TGFBR3: variants seen among roughly 807,000 people sequenced by gnomAD.
TGFBR3 encodes the protein transforming growth factor beta receptor type 3.
Under a neutral mutation model 87.9 loss-of-function variants are expected in TGFBR3, and 46 were observed. The ratio of observed to expected loss-of-function variants is 0.52; its 90% CI spans 0.41 to 0.67. The LOEUF is 0.67. Among genes scored for constraint, TGFBR3 ranks in the 30% least tolerant of loss-of-function variants. The pLI is 0.00. For missense variants in TGFBR3, 866 were observed against 1,041.9 expected (o/e 0.83, Z 2.32); for synonymous variants, 381 against 391.6 (o/e 0.97, Z 0.32).
intron 1 of TGFBR3, among the ~76,000 whole-genome samples, chr1:91,880,416 G>T (rs1490503194): frequency 1.3e-5 from 2 of 151,996 alleles, no homozygotes; most frequent in Non-Finnish European, 1.5e-5. Flanking sequence ...TAGCTAACAC[G>T]GTGAAACCCT....
chr1:91,799,250 G>A (rs552037007), intron 2 of TGFBR3, among the ~76,000 whole-genome samples: 1 of 152,304 alleles, frequency 6.6e-6, no homozygotes, highest in South Asian at 2.1e-4. Context: ...ATAGCTATCT[G>A]GTCTGAAATG....
At chr1:91,709,874 G>A (rs532100968) in intron 13 of TGFBR3, among the ~76,000 whole-genome samples, 5 of 152,010 alleles carry the variant, frequency 3.3e-5, no homozygotes, top group Non-Finnish European at 7.4e-5. Context: ...TCATACTCCT[G>A]CCTCAGCCTC....
chr1:91,762,959 T>C (rs922321859), intron 3 of TGFBR3, among the ~76,000 whole-genome samples: 1 of 152,186 alleles, frequency 6.6e-6, no homozygotes, highest in African/African-American at 2.4e-5. Context: ...GGGAAGAACG[T>C]CTTTGCTCAC....
intron 2 of TGFBR3, among the ~76,000 whole-genome samples, chr1:91,840,792 A>G (rs1377574069): frequency 6.6e-6 from 1 of 151,304 alleles, no homozygotes. Context: ...TCCTTGAACT[A>G]ACAGGTTCAC....
Position 91,800,236 on chromosome 1 carries a change from A to C in TGFBR3, c.62-2765T>G, listed in dbSNP as rs560078481. Among the ~76,000 whole-genome samples the C allele has an allele frequency of 6.0e-3, 798 of 133,038 alleles. 9 individuals are homozygous for C. Among genetic ancestry groups the C allele is most frequent in the African/African-American group, 0.023 (760 of 32,538 alleles). 87.3% of individuals were successfully genotyped at this position (133,038 alleles called of 152,430 possible). A position where few individuals can be genotyped will look rare whatever the true frequency, so the allele number is the denominator to read the frequency against. ...ATGAAACCCCATCTCTACAAAAAAA[A>C]AAAAAATATATATATATATACACAC... On this transcript the variant is annotated intron_variant, in intron 2 of 16. Coordinates refer to ENST00000212355, the MANE Select transcript of TGFBR3 (RefSeq NM_003243.5).
intron 5 of TGFBR3, among the ~76,000 whole-genome samples, chr1:91,734,470 C>G (rs774523392): frequency 3.9e-5 from 6 of 152,198 alleles, no homozygotes; most frequent in Non-Finnish European, 8.8e-5. Context: ...CTTCTCACCT[C>G]CACTTACTTT....
upstream of TGFBR3, among the ~76,000 whole-genome samples, chr1:91,890,409 C>CTTTTTTTTTTTTTTTTT (rs1175619952): frequency 8.3e-5 from 5 of 60,364 alleles, 1 homozygote; most frequent in African/African-American, 3.5e-4. Context: ...TCTCTATAAT[C>CTTTTTTTTTTTTTTTTT]TTTTTTTTTT....
intron 2 of TGFBR3, among the ~76,000 whole-genome samples, chr1:91,811,878 G>C (rs1401296971): frequency 6.6e-6 from 1 of 150,606 alleles, no homozygotes; most frequent in Non-Finnish European, 1.5e-5. Context: ...ATGTTTCAAA[G>C]CTGATTTCCC....
intron 2 of TGFBR3, among the ~76,000 whole-genome samples, chr1:91,818,845 G>C (rs1356056549): frequency 6.6e-6 from 1 of 152,170 alleles, no homozygotes; most frequent in East Asian, 1.9e-4. Flanking sequence ...AGTTTTGCAT[G>C]TCTTTTGTTG....
At chr1:91,783,839 C>T (rs532389249) in intron 3 of TGFBR3, among the ~76,000 whole-genome samples, 2 of 152,162 alleles carry the variant, frequency 1.3e-5, no homozygotes, top group South Asian at 2.1e-4. Context: ...TAATAATACA[C>T]GGTAGAGTAA....
At chr1:91,890,409 CTTTTTTTTTTTTT>C (rs1175619952), upstream of TGFBR3, among the ~76,000 whole-genome samples, 3 of 60,364 alleles carry the variant, frequency 5.0e-5, no homozygotes, top group Admixed American at 6.1e-4. Context: ...TCTCTATAAT[CTTTTTTTTTTTTT>C]TTTTTTTTTT....
At chr1:91,825,095 T>G (rs1366199190) in intron 2 of TGFBR3, among the ~76,000 whole-genome samples, 2 of 152,142 alleles carry the variant, frequency 1.3e-5, no homozygotes, top group Non-Finnish European at 2.9e-5. Flanking sequence ...AATAAAAACA[T>G]AAGGATGTGC....
chr1:91,714,760 G>T (rs759688330), intron 12 of TGFBR3, among the ~76,000 whole-genome samples: 3 of 152,178 alleles, frequency 2.0e-5, no homozygotes, highest in Non-Finnish European at 4.4e-5. Flanking sequence ...TTGACCAACT[G>T]CCCATGTGAA....
At chr1:91,730,019 T>C in intron 5 of TGFBR3, 46 bp from the exon 6 acceptor site, 2 of 1,609,432 alleles carry the variant, frequency 1.2e-6, no homozygotes, top group Non-Finnish European at 1.7e-6. Context: ...AGGTACTCGG[T>C]AACCAGATTC....
At chr1:91,719,794 T>C (rs11466597) in intron 9 of TGFBR3, 99 bp downstream of exon 9, 15,154 of 1,354,964 alleles carry the variant, frequency 0.011, 134 homozygotes, top group Non-Finnish European at 0.013. Context: ...GCCTCCGGAG[T>C]TCAAAAATGA....
chr1:91,681,003 T>C lies in TGFBR3; in HGVS notation c.*2736A>G, dbSNP rs1670890634. On this transcript the variant is annotated 3_prime_UTR_variant, in exon 17 of 17. Coordinates refer to ENST00000212355, the MANE Select transcript of TGFBR3 (RefSeq NM_003243.5). ...TTATACAGACAATCTGCCTTGGAGT[T>C]TGGGGCATTTTAACAACAGCTTCAG... 2.2e-6 allele frequency: 1 copy of C among 454,090 alleles called. No homozygotes were observed. The highest frequency in any genetic ancestry group is 4.4e-6 in the Non-Finnish European group (1 of 226,798). The allele number at this position is 454,090 out of a possible 1,614,324, so 28.1% of individuals were successfully genotyped here.
chr1:91,788,967 AC>A (rs1325452779), intron 3 of TGFBR3, among the ~76,000 whole-genome samples: 1 of 152,150 alleles, frequency 6.6e-6, no homozygotes. Context: ...AAGACAAAAC[AC>A]CATACTGGTT....
At chr1:91,841,471 G>C (rs1018734977) in intron 2 of TGFBR3, among the ~76,000 whole-genome samples, 2 of 152,128 alleles carry the variant, frequency 1.3e-5, no homozygotes, top group Non-Finnish European at 2.9e-5. Flanking sequence ...TATACAATTA[G>C]AGCAGTGTTA....
intron 2 of TGFBR3, among the ~76,000 whole-genome samples, chr1:91,855,150 CTGGAATTCCAGGTACATCCAG>C (rs1677891509): frequency 6.6e-6 from 1 of 152,178 alleles, no homozygotes; most frequent in African/African-American, 2.4e-5. Flanking sequence ...TGGACTCTAC[CTGGAATTCCAGGTACATCCAG>C]TAGAGAGGAA....
Sources: allele counts gnomAD v4.1 joint callset (sites outside exome capture counted in the v4.1 genomes callset), GRCh38; gene constraint gnomAD v4.1.1; transcripts MANE v1.5; gene names NCBI Gene and HGNC (gene_info 2026-07-23, HGNC 2026-07-21).